The following MAP3K2 variants were observed in gnomAD, a reference collection of about 807,000 sequenced individuals.
MAP3K2 encodes mitogen-activated protein kinase kinase kinase 2, also known as MAP/ERK kinase kinase 2.
MAP3K2 carries 24 observed loss-of-function variants against 80.3 expected under a neutral mutation model. That is an observed-to-expected ratio of 0.30 (90% CI 0.22 to 0.42). The LOEUF (loss-of-function observed/expected upper bound fraction) is 0.42. Among genes scored for constraint, MAP3K2 ranks in the 10% least tolerant of loss-of-function variants. MAP3K2 has a pLI of 1.00. For missense variants in MAP3K2, 608 were observed against 750.1 expected (o/e 0.81, Z 2.21); for synonymous variants, 244 against 253.7 (o/e 0.96, Z 0.36).
intron 1 of MAP3K2, among the ~76,000 whole-genome samples, chr2:127,344,174 A>G (rs1160534271): frequency 6.6e-6 from 1 of 152,148 alleles, no homozygotes; most frequent in African/African-American, 2.4e-5. Flanking sequence ...ACCTGTCCTC[A>G]TGTGATATGT....
chr2:127,344,947 T>C (rs1201762194), intron 1 of MAP3K2, among the ~76,000 whole-genome samples: 1 of 152,150 alleles, frequency 6.6e-6, no homozygotes, highest in Non-Finnish European at 1.5e-5. Flanking sequence ...CACTGCAGCC[T>C]TGATCTGCCA....
Position 127,322,028 on chromosome 2 carries a change from C to A in MAP3K2, c.1045+18G>T. 6.2e-7 allele frequency: 1 copy of A among 1,602,772 alleles called. No homozygotes were observed. Among genetic ancestry groups the A allele is most frequent in the Non-Finnish European group, 8.5e-7 (1 of 1,172,372 alleles). Reference sequence around the variant, plus strand: ...AGATTCTGCTCTACATTTCACTATACCAAGTTCTATTACTTACAACGGCTG... The same window carrying A: ...AGATTCTGCTCTACATTTCACTATAACAAGTTCTATTACTTACAACGGCTG... On this transcript the variant is annotated intron_variant, in intron 12 of 16. Coordinates refer to ENST00000682094, the MANE Select transcript of MAP3K2 (RefSeq NM_001371910.2). The surrounding 1 kb of genome is among the most constrained non-coding windows in gnomAD (Gnocchi z 4.2).
chr2:127,360,733 A>G (rs1686871411), intron 1 of MAP3K2, among the ~76,000 whole-genome samples: 1 of 152,208 alleles, frequency 6.6e-6, no homozygotes, highest in Non-Finnish European at 1.5e-5. Context: ...TAAAAAATAT[A>G]TTACTTAAAC....
chr2:127,354,427 G>A (rs1686762705), intron 1 of MAP3K2, among the ~76,000 whole-genome samples: 1 of 152,004 alleles, frequency 6.6e-6, no homozygotes, highest in African/African-American at 2.4e-5. Context: ...CTCTGGCAAT[G>A]ACACCCTGAT....
intron 1 of MAP3K2, among the ~76,000 whole-genome samples, chr2:127,377,553 C>T (rs1442863578): frequency 6.6e-6 from 1 of 152,130 alleles, no homozygotes; most frequent in East Asian, 1.9e-4. Context: ...GGAACCTTTG[C>T]TCTAACTGGA....
chr2:127,321,919 CCATT>C lies in MAP3K2; in HGVS notation c.1045+123_1045+126del. On this transcript the variant is annotated intron_variant, in intron 12 of 16. Coordinates refer to ENST00000682094, the MANE Select transcript of MAP3K2 (RefSeq NM_001371910.2). This position sits in a 1 kb window ranked among gnomAD's most constrained non-coding sequence, Gnocchi z 4.4. ...GACATTCCAACCACCTTTAGAAACA[CCATT>C]ATTACCTTTTTTGAGTAGTTCATCT... 4.0e-6 allele frequency: 3 copies of C among 745,096 alleles called. No individual in the cohort carries two copies. The highest frequency in any genetic ancestry group is 6.8e-6 in the Non-Finnish European group (3 of 442,676). 46.2% of individuals were successfully genotyped at this position (745,096 alleles called of 1,614,324 possible). A position where few individuals can be genotyped will look rare whatever the true frequency, so the allele number is the denominator to read the frequency against.
intron 4 of MAP3K2, 61 bp downstream of exon 4, chr2:127,337,677 C>T: frequency 2.0e-6 from 2 of 995,512 alleles, no homozygotes; most frequent in South Asian, 3.0e-5. Context: ...CTTTCAAAAG[C>T]TTAATTAGAA....
rs55902832 is a variant in MAP3K2 at position 127,325,751 on chromosome 2, T to A, written c.654A>T (p.Pro218=). ...SPENSGSGSC[P]SLDSPLDGES... ...ACCCATCCAAAGGACTATCAAGTGA[T>A]GGACAACTTCCTGAGCCAGAATTTT... The change falls in exon 9 of 17, where the codon CCA becomes CCT. Residue 218 remains proline, a synonymous_variant. Coordinates refer to ENST00000682094, the MANE Select transcript of MAP3K2 (RefSeq NM_001371910.2). The A allele has an allele frequency of 6.2e-7, 1 of 1,613,438 alleles. No homozygotes were observed. Among genetic ancestry groups the A allele is most frequent in the Admixed American group, 1.7e-5 (1 of 59,992 alleles).
intron 7 of MAP3K2, among the ~76,000 whole-genome samples, chr2:127,328,589 A>T (rs1157205462): frequency 6.6e-6 from 1 of 152,154 alleles, no homozygotes; most frequent in Non-Finnish European, 1.5e-5. Context: ...ACTATATCGA[A>T]ATATATCTGA....
intron 2 of MAP3K2, among the ~76,000 whole-genome samples, chr2:127,341,530 G>GTTTTTTTT (rs1341901292): frequency 3.3e-5 from 3 of 91,160 alleles, no homozygotes; most frequent in African/African-American, 8.5e-5. Context: ...TTTTTTTGTT[G>GTTTTTTTT]TTTTTTTTTT....
At chr2:127,319,120 C>T (rs1685963406) in intron 12 of MAP3K2, among the ~76,000 whole-genome samples, 1 of 152,026 alleles carries the variant, frequency 6.6e-6, no homozygotes, top group Non-Finnish European at 1.5e-5. Context: ...CGCAGAAAGT[C>T]CTTCCAAACC....
At chr2:127,353,657 G>A (rs1186069293) in intron 1 of MAP3K2, among the ~76,000 whole-genome samples, 11 of 151,882 alleles carry the variant, frequency 7.2e-5, no homozygotes, top group Admixed American at 2.6e-4. Context: ...CACCCCGTCC[G>A]GGAGGTGAGG....
At chr2:127,341,248 C>T (rs565674885) in intron 2 of MAP3K2, among the ~76,000 whole-genome samples, 1 of 151,942 alleles carries the variant, frequency 6.6e-6, no homozygotes, top group African/African-American at 2.4e-5. Flanking sequence ...CTCGACCTCC[C>T]AAAGTGCTGG....
chr2:127,388,000 A>G (rs1477213509), upstream of MAP3K2: 2 of 982,934 alleles, frequency 2.0e-6, no homozygotes, highest in Admixed American at 6.2e-5. Flanking sequence ...GGCGCACGTC[A>G]CGGCCGCTCG....
intron 1 of MAP3K2, among the ~76,000 whole-genome samples, chr2:127,387,137 G>C (rs924546878): frequency 9.9e-5 from 15 of 152,094 alleles, no homozygotes; most frequent in Non-Finnish European, 2.9e-5. Context: ...TTCGCTTACT[G>C]CATGTACCAT....
intron 14 of MAP3K2, 119 bp from the exon 15 acceptor site, chr2:127,315,002 T>G: frequency 1.5e-6 from 1 of 671,996 alleles, no homozygotes; most frequent in Non-Finnish European, 2.5e-6. Flanking sequence ...AAGCATGTCC[T>G]ACTTGAATTT....
At chr2:127,368,163 A>C (rs541494548) in intron 1 of MAP3K2, among the ~76,000 whole-genome samples, 1 of 151,966 alleles carries the variant, frequency 6.6e-6, no homozygotes, top group East Asian at 1.9e-4. Context: ...CTCTACTACA[A>C]ATAGGAAAAT....
intron 1 of MAP3K2, among the ~76,000 whole-genome samples, chr2:127,365,245 A>ATT (rs1686952575): frequency 6.7e-6 from 1 of 149,652 alleles, no homozygotes; most frequent in South Asian, 2.1e-4. Flanking sequence ...GGTAGTTATC[A>ATT]TTTCCCTGTT....
intron 2 of MAP3K2, among the ~76,000 whole-genome samples, chr2:127,342,425 T>TGTG (rs1686513862): frequency 1.1e-5 from 1 of 95,218 alleles, no homozygotes; most frequent in African/African-American, 3.8e-5. Context: ...GTGTGTGTAT[T>TGTG]TGTTTTGTTA....
Sources: gnomAD v4.1 joint callset for allele counts (sites outside exome capture counted in the v4.1 genomes callset) on GRCh38, gnomAD v4.1.1 for gene constraint, Gnocchi (gnomAD v3.1) non-coding constraint, MANE v1.5 for transcripts, NCBI Gene and HGNC (gene_info 2026-07-23, HGNC 2026-07-21) for gene names.